The following RPS6KB1 variants were observed in gnomAD, a reference collection of about 807,000 sequenced individuals.
RPS6KB1 encodes the protein ribosomal protein S6 kinase B1, also known as ribosomal protein S6 kinase beta-1.
Under a neutral mutation model 70.2 loss-of-function variants are expected in RPS6KB1, and 12 were observed. The ratio of observed to expected loss-of-function variants is 0.17; its 90% CI spans 0.11 to 0.28. The LOEUF is 0.28. Ranked by LOEUF, RPS6KB1 falls within the 10% of genes least tolerant of loss-of-function variation. The pLI, the probability that RPS6KB1 is intolerant of heterozygous loss-of-function variation, is 1.00. For synonymous variants in RPS6KB1, 175 were observed against 211.2 expected, an observed-to-expected ratio of 0.83 and a Z score of 1.49; for missense variants, 270 against 646.6, an observed-to-expected ratio of 0.42 and a Z score of 6.32.
At chr17:59,907,689 C>T (rs910617151) in intron 1 of RPS6KB1, among the ~76,000 whole-genome samples, 10 of 152,006 alleles carry the variant, frequency 6.6e-5, no homozygotes, top group Non-Finnish European at 1.3e-4. Flanking sequence ...CAGGCATGTG[C>T]CACCACACTC....
intron 4 of RPS6KB1, among the ~76,000 whole-genome samples, chr17:59,919,966 C>A (rs888820199): frequency 3.3e-5 from 5 of 152,158 alleles, no homozygotes; most frequent in African/African-American, 1.2e-4. Flanking sequence ...CATCATGGAC[C>A]ATTGCTTTAT....
intron 1 of RPS6KB1, among the ~76,000 whole-genome samples, chr17:59,909,200 CCACAGGCAT>C (rs1182772274): frequency 7.6e-6 from 1 of 131,416 alleles, no homozygotes; most frequent in Non-Finnish European, 1.6e-5. Flanking sequence ...ACTGCTGGGA[CCACAGGCAT>C]GAGCCACCGC....
At chr17:59,918,289 G>A (rs2043072538) in intron 4 of RPS6KB1, among the ~76,000 whole-genome samples, 1 of 151,754 alleles carries the variant, frequency 6.6e-6, no homozygotes, top group Non-Finnish European at 1.5e-5. Flanking sequence ...AATTCTTTCT[G>A]TTGTTTTTGT....
Position 59,913,358 on chromosome 17 carries a change from T to C in RPS6KB1, c.312+554T>C, listed in dbSNP as rs545958707. Among the ~76,000 whole-genome samples the C allele has an allele frequency of 3.3e-5, 5 of 152,378 alleles. No individual in the cohort carries two copies. In the South Asian group the frequency reaches 1.0e-3, roughly 32 times the overall value. ...AAACTATTCTCTTATCAAAATAATT[T>C]AGATAATAACTTGGTTAGTATTAAG... On this transcript the variant is annotated intron_variant, in intron 3 of 14. Coordinates refer to ENST00000225577, the MANE Select transcript of RPS6KB1 (RefSeq NM_003161.4).
intron 13 of RPS6KB1, among the ~76,000 whole-genome samples, chr17:59,942,336 CTG>C (rs2044663237): frequency 6.6e-6 from 1 of 152,178 alleles, no homozygotes; most frequent in Non-Finnish European, 1.5e-5. Flanking sequence ...GTAGAAATGT[CTG>C]TATAGATTTA....
intron 4 of RPS6KB1, among the ~76,000 whole-genome samples, chr17:59,922,538 T>A (rs2043328013): frequency 8.7e-6 from 1 of 115,356 alleles, no homozygotes; most frequent in Non-Finnish European, 1.8e-5. Flanking sequence ...TCTGTAAAGA[T>A]TTTTTTATAC....
intron 1 of RPS6KB1, among the ~76,000 whole-genome samples, chr17:59,894,264 A>G (rs963402902): frequency 2.0e-5 from 3 of 152,166 alleles, no homozygotes; most frequent in Non-Finnish European, 4.4e-5. Context: ...TTTATGGAAT[A>G]ACTTTTTTTT....
At position 59,949,214 on chromosome 17, in the gene RPS6KB1, T is replaced by A. The variant is rs2045086058; in HGVS notation, c.*2426T>A. The A allele has an allele frequency of 6.6e-6, 1 of 152,656 alleles. No homozygotes were observed. The highest frequency in any genetic ancestry group is 2.1e-4 in the South Asian group (1 of 4,836). 9.5% of individuals were successfully genotyped at this position (152,656 alleles called of 1,614,324 possible). ...GTGGAAAGTTTATTGAGAACTTGTT[T>A]CATAAATGGATATCCCTACTATGAC... On this transcript the variant is annotated 3_prime_UTR_variant, in exon 15 of 15. Transcript: ENST00000225577.
intron 1 of RPS6KB1, among the ~76,000 whole-genome samples, chr17:59,898,947 A>C (rs2041734948): frequency 1.3e-5 from 2 of 150,956 alleles, no homozygotes; most frequent in African/African-American, 4.9e-5. Context: ...TCATGCCTGT[A>C]ATCCCAGCAC....
Position 59,947,128 on chromosome 17 carries a change from G to C in RPS6KB1, c.*340G>C. On this transcript the variant is annotated 3_prime_UTR_variant, in exon 15 of 15. Coordinates refer to ENST00000225577, the MANE Select transcript of RPS6KB1 (RefSeq NM_003161.4). ...TCTGAATCACTGTTGAGTTCTGATT[G>C]TGTTGAAGAAGGGTTATCCTTTCAT... 1 of 1,110,686 alleles carries C rather than the reference G, an allele frequency of 9.0e-7. No homozygotes were observed. Among genetic ancestry groups the C allele is most frequent in the Non-Finnish European group, 1.1e-6 (1 of 906,980 alleles). 68.8% of individuals were successfully genotyped at this position (1,110,686 alleles called of 1,614,324 possible). A position where few individuals can be genotyped will look rare whatever the true frequency, so the allele number is the denominator to read the frequency against.
At chr17:59,922,702 G>A (rs1265109635) in intron 4 of RPS6KB1, among the ~76,000 whole-genome samples, 4 of 150,264 alleles carry the variant, frequency 2.7e-5, no homozygotes, top group East Asian at 4.0e-4. Context: ...GCGCCATCGC[G>A]CCCAGCTAAT....
rs2045134109 is a variant in RPS6KB1, at chr17:59,950,125, C to T, written c.*3337C>T. 6.6e-6 allele frequency: 1 copy of T among 152,536 alleles called. No homozygotes were observed. The highest frequency in any genetic ancestry group is 1.9e-4 in the East Asian group (1 of 5,200). 9.4% of individuals were successfully genotyped at this position (152,536 alleles called of 1,614,324 possible). On this transcript the variant is annotated 3_prime_UTR_variant, in exon 15 of 15. Coordinates refer to ENST00000225577, the MANE Select transcript of RPS6KB1 (RefSeq NM_003161.4). ...ACCTGTGGTCTGTTGCTGATTAATACAGTACTTTTTCTTGTGTGATTCTTA... is the reference window on the plus strand; with the variant it reads ...ACCTGTGGTCTGTTGCTGATTAATATAGTACTTTTTCTTGTGTGATTCTTA...
At position 59,946,212 on chromosome 17, in the gene RPS6KB1, G is replaced by A. The variant is rs2044915538; in HGVS notation, c.1341-339G>A. ...GAGTGTGTGGTGAGTGAGGAGAAGGGCAGAGGTTTGGAAAAGTATTTTATT... is the reference window on the plus strand; with the variant it reads ...GAGTGTGTGGTGAGTGAGGAGAAGGACAGAGGTTTGGAAAAGTATTTTATT... On this transcript the variant is annotated intron_variant, in intron 14 of 14. Transcript: ENST00000225577. This position sits in a 1 kb window ranked among gnomAD's most constrained non-coding sequence, Gnocchi z 4.2. 1.3e-5 allele frequency among the ~76,000 whole-genome samples: 2 copies of A among 152,184 alleles called. No homozygotes were observed. Among genetic ancestry groups the A allele is most frequent in the Non-Finnish European group, 2.9e-5 (2 of 68,038 alleles).
Position 59,945,449 on chromosome 17 carries a change from A to G in RPS6KB1, c.1271A>G (p.Glu424Gly), listed in dbSNP as rs774803147. ...CCATCTGTACTTGAAAGTGTGAAAGAAAAGTTTTCCTTTGAACCAAAAATC... is the reference window on the plus strand; with the variant it reads ...CCATCTGTACTTGAAAGTGTGAAAGGAAAGTTTTCCTTTGAACCAAAAATC... ...VAPSVLESVK[E>G]KFSFEPKIRS... Residue 424 changes from glutamate (E) to glycine (G), a missense_variant, in exon 14 of 15, where the codon GAA (glutamate) becomes GGA (glycine). Physicochemically the swap from Glu to Gly is moderately conservative, Grantham distance 98. This residue lies in a region of RPS6KB1 where 133 missense variants were observed against 314.7 expected (regional missense o/e 0.42). Transcript: ENST00000225577. 6.2e-7 allele frequency: 1 copy of G among 1,612,530 alleles called. No homozygotes were observed. Among genetic ancestry groups the G allele is most frequent in the East Asian group, 2.2e-5 (1 of 44,878 alleles).
At position 59,946,953 on chromosome 17, in the gene RPS6KB1, C is replaced by A; in HGVS notation, c.*165C>A. On this transcript the variant is annotated 3_prime_UTR_variant, in exon 15 of 15. Transcript: ENST00000225577. The surrounding 1 kb of genome is among the most constrained non-coding windows in gnomAD (Gnocchi z 4.2). ...TAAACGTGGATTTTAAAAAATCAATCAATGGTGCAAAAAAAAACTTAAAGC... is the reference window on the plus strand; with the variant it reads ...TAAACGTGGATTTTAAAAAATCAATAAATGGTGCAAAAAAAAACTTAAAGC... The A allele has an allele frequency of 6.9e-7, 1 of 1,452,350 alleles. No homozygotes were observed. The highest frequency in any genetic ancestry group is 9.0e-7 in the Non-Finnish European group (1 of 1,106,040). 90.0% of individuals were successfully genotyped at this position (1,452,350 alleles called of 1,614,324 possible).
chr17:59,930,352 C>T, intron 6 of RPS6KB1, 178 bp downstream of exon 6: 1 of 628,634 alleles, frequency 1.6e-6, no homozygotes, highest in Non-Finnish European at 2.9e-6. Context: ...ATTCCTTTGC[C>T]CTTAGGCTTG....
intron 7 of RPS6KB1, among the ~76,000 whole-genome samples, chr17:59,931,930 G>A (rs1008323694): frequency 1.2e-4 from 19 of 152,054 alleles, no homozygotes; most frequent in South Asian, 2.1e-4. Context: ...GATAATAGTC[G>A]CTCAACTGCC....
At chr17:59,914,455 G>A (rs920199225) in intron 3 of RPS6KB1, among the ~76,000 whole-genome samples, 180 bp from the exon 4 acceptor site, 25 of 152,112 alleles carry the variant, frequency 1.6e-4, no homozygotes, top group African/African-American at 5.1e-4. Context: ...ACCACCAGAT[G>A]GCAGCAGAAC....
chr17:59,929,470 T>TTATTCC (rs2144947690), intron 5 of RPS6KB1, among the ~76,000 whole-genome samples: 1 of 152,396 alleles, frequency 6.6e-6, no homozygotes, highest in South Asian at 2.1e-4. Flanking sequence ...GTACTTTTTC[T>TTATTCC]TATTCCGTCA....
Sources: gnomAD v4.1 joint callset for allele counts (sites outside exome capture counted in the v4.1 genomes callset) on GRCh38, gnomAD v4.1.1 for gene constraint, gnomAD v4.1.1 regional missense constraint, Gnocchi (gnomAD v3.1) non-coding constraint, MANE v1.5 for transcripts, NCBI Gene and HGNC (gene_info 2026-07-23, HGNC 2026-07-21) for gene names.